The following ZNF74 variants were observed in gnomAD, a reference collection of about 807,000 sequenced individuals.
ZNF74 encodes zinc finger protein 520.
Under a neutral mutation model 17.7 loss-of-function variants are expected in ZNF74, and 12 were observed. The observed-to-expected ratio is 0.68, with a 90% CI of 0.43 to 1.10. The LOEUF is 1.10. Ranked by LOEUF, ZNF74 falls within the 50% of genes least tolerant of loss-of-function variation. The pLI, the probability that ZNF74 is intolerant of heterozygous loss-of-function variation, is 0.00. For synonymous variants in ZNF74, 358 were observed against 362.1 expected, an observed-to-expected ratio of 0.99 and a Z score of 0.13; for missense variants, 811 against 881.0, an observed-to-expected ratio of 0.92 and a Z score of 1.01.
intron 2 of ZNF74, chr22:20,399,544 T>C (rs1293499901): frequency 5.0e-6 from 2 of 397,338 alleles, no homozygotes; most frequent in African/African-American, 4.3e-5. Context: ...TTTAGTGTAA[T>C]TATTAATATG....
At position 20,406,458 on chromosome 22, in the gene ZNF74, C is replaced by G; in HGVS notation, c.1425C>G (p.Asn475Lys). The G allele has an allele frequency of 6.2e-7, 1 of 1,614,058 alleles. No individual in the cohort carries two copies. The highest frequency in any genetic ancestry group is 1.1e-5 in the South Asian group (1 of 91,076). The change falls in exon 5 of 5, where the codon AAC (asparagine) becomes AAG (lysine). Residue 475 changes from asparagine to lysine, a missense_variant. By Grantham distance (94) the Asn-to-Lys change is moderately conservative. Coordinates refer to ENST00000400451, the MANE Select transcript of ZNF74 (RefSeq NM_003426.4). ...GCGGCGAGAAGCCCTTCAAGTGCAA[C>G]GAGTGCGGCAAAGCCTTCAGCTCCC... ...IHSGEKPFKC[N>K]ECGKAFSSHA...
chr22:20,405,282 T>G, intron 4 of ZNF74, 95 bp from the exon 5 acceptor site: 3 of 1,373,210 alleles, frequency 2.2e-6, no homozygotes, highest in Non-Finnish European at 3.0e-6. Context: ...TCCTCTCTTT[T>G]CTGGGCTTAT....
intron 2 of ZNF74, among the ~76,000 whole-genome samples, chr22:20,396,162 G>GTT (rs776835133): frequency 2.1e-5 from 3 of 140,638 alleles, no homozygotes; most frequent in South Asian, 4.5e-4. Context: ...GGGTCTTTGG[G>GTT]TTTTTGTTTT....
Position 20,406,538 on chromosome 22 carries a change from G to A in ZNF74, c.1505G>A (p.Cys502Tyr). The A allele has an allele frequency of 1.2e-6, 2 of 1,614,184 alleles. No individual in the cohort carries two copies. Among genetic ancestry groups the A allele is most frequent in the South Asian group, 1.1e-5 (1 of 91,090 alleles). ...RIHTGEKPFD[C>Y]SQCWKAFSCH... ...CACACAGGCGAGAAGCCCTTCGACT[G>A]CAGCCAGTGTTGGAAGGCCTTCAGC... is the stretch of plus-strand genomic sequence containing the variant. The change falls in exon 5 of 5, where the codon TGC (cysteine) becomes TAC (tyrosine). Residue 502 changes from cysteine (C) to tyrosine (Y), a missense_variant. Transcript: ENST00000400451.
intron 1 of ZNF74, 96 bp downstream of exon 1, chr22:20,394,758 C>T: frequency 8.4e-7 from 1 of 1,187,070 alleles, no homozygotes. Flanking sequence ...AAGCATCCAG[C>T]ATCTTTTTTT....
At position 20,401,035 on chromosome 22, in the gene ZNF74, AG is replaced by A; in HGVS notation, c.248-241del. The stretch of plus-strand genomic sequence containing the variant: ...AGAAGAAGGTGGGACCCTGGAGCCC[AG>A]CTGGCTCTGGAACAGTCCTCAAGCA... On this transcript the variant is annotated intron_variant, in intron 3 of 4. Transcript: ENST00000400451. The surrounding 1 kb of genome is among the most constrained non-coding windows in gnomAD (Gnocchi z 4.2). 1 of 594,034 alleles carries A rather than the reference AG, an allele frequency of 1.7e-6. No homozygotes were observed. The highest frequency in any genetic ancestry group is 3.0e-6 in the Non-Finnish European group (1 of 335,182). The allele number at this position is 594,034 out of a possible 1,614,324, so 36.8% of individuals were successfully genotyped here.
intron 2 of ZNF74, among the ~76,000 whole-genome samples, chr22:20,397,230 C>T (rs1224305009): frequency 6.6e-6 from 1 of 152,130 alleles, no homozygotes; most frequent in Admixed American, 6.6e-5. Context: ...TGTGTGCCCC[C>T]ACACCTGGCT....
At position 20,405,614 on chromosome 22, in the gene ZNF74, G is replaced by A; in HGVS notation, c.581G>A (p.Gly194Glu). Residue 194 changes from glycine to glutamate, a missense_variant, in exon 5 of 5, where the codon GGG becomes GAG. By Grantham distance (98) the Gly-to-Glu change is moderately conservative. Around this residue, in one of 3 missense-constraint regions of ZNF74, gnomAD observed 666 missense variants for 702.3 expected, o/e 0.95. Coordinates refer to ENST00000400451, the MANE Select transcript of ZNF74 (RefSeq NM_003426.4). ...PLFAQQRVPE[G>E]GPLLDTRKNV... ...TTCGCCCAGCAACGCGTTCCCGAGG[G>A]GGGACCCTTGCTGGACACACGCAAG... 1 of 1,613,272 alleles carries A rather than the reference G, an allele frequency of 6.2e-7. No homozygotes were observed.
In ZNF74 at chr22:20,394,385, G is replaced by C. The variant is rs143631381; in HGVS notation, c.-244G>C. Reference sequence around the variant, plus strand: ...GGGTGTGCCGGGGCGTGAGTGCGCCGAGCATGGGGCTGAGCCTGGTGTGGG... The same window carrying C: ...GGGTGTGCCGGGGCGTGAGTGCGCCCAGCATGGGGCTGAGCCTGGTGTGGG... On this transcript the variant is annotated 5_prime_UTR_variant, in exon 1 of 5. Coordinates refer to ENST00000400451, the MANE Select transcript of ZNF74 (RefSeq NM_003426.4). The C allele has an allele frequency of 1.5e-6, 1 of 672,688 alleles. No homozygotes were observed. 41.7% of individuals were successfully genotyped at this position (672,688 alleles called of 1,614,324 possible).
chr22:20,395,400 T>C lies in ZNF74; in HGVS notation c.102T>C (p.Leu34=). ...ENLEDISGWG[L]PEARSKESVS... ...TCGAGGATATATCGGGTTGGGGTCTTCCCGAAGCCAGGTCCAAGGTGAGTG... is the reference window on the plus strand; with the variant it reads ...TCGAGGATATATCGGGTTGGGGTCTCCCCGAAGCCAGGTCCAAGGTGAGTG... The change falls in exon 2 of 5, where the codon CTT becomes CTC. Residue 34 remains leucine, a synonymous_variant. Coordinates refer to ENST00000400451, the MANE Select transcript of ZNF74 (RefSeq NM_003426.4). 1 of 1,605,728 alleles carries C rather than the reference T, an allele frequency of 6.2e-7. No individual in the cohort carries two copies. The highest frequency in any genetic ancestry group is 8.5e-7 in the Non-Finnish European group (1 of 1,173,498).
chr22:20,394,704 A>G lies in ZNF74; in HGVS notation c.34+42A>G, dbSNP rs146304240. 2.9e-4 allele frequency: 470 copies of G among 1,602,994 alleles called. 5 individuals carry two copies. In the East Asian group the frequency reaches 9.0e-3, roughly 31 times the overall value. ...GTAGTCAGTATGTCTGTGGATTTGCACTTGAGGATATTGACACTCAGAGAG... is the reference window on the plus strand; with the variant it reads ...GTAGTCAGTATGTCTGTGGATTTGCGCTTGAGGATATTGACACTCAGAGAG... On this transcript the variant is annotated intron_variant, in intron 1 of 4. Coordinates refer to ENST00000400451, the MANE Select transcript of ZNF74 (RefSeq NM_003426.4).
chr22:20,394,171 T>A lies in ZNF74; in HGVS notation c.-458T>A. 1 of 628,948 alleles carries A rather than the reference T, an allele frequency of 1.6e-6. No homozygotes were observed. Among genetic ancestry groups the A allele is most frequent in the Non-Finnish European group, 2.9e-6 (1 of 345,826 alleles). 39.0% of individuals were successfully genotyped at this position (628,948 alleles called of 1,614,324 possible). A position where few individuals can be genotyped will look rare whatever the true frequency, so the allele number is the denominator to read the frequency against. On this transcript the variant is annotated 5_prime_UTR_variant, in exon 1 of 5. Coordinates refer to ENST00000400451, the MANE Select transcript of ZNF74 (RefSeq NM_003426.4). ...TTCCCGCAGCGGCCGCCTGCTGCTC[T>A]TTGTGGCAGTCGCAGTCCTTTTGTG... is the stretch of plus-strand genomic sequence containing the variant.
At chr22:20,403,483 C>T (rs1171125121) in intron 4 of ZNF74, among the ~76,000 whole-genome samples, 1 of 151,968 alleles carries the variant, frequency 6.6e-6, no homozygotes. Context: ...GCTTCCTGTT[C>T]ATTTTCACAG....
rs778741257 is a variant in ZNF74, at chr22:20,405,750, C to T, written c.717C>T (p.Arg239=). 1.9e-6 allele frequency: 3 copies of T among 1,604,880 alleles called. No homozygotes were observed. The highest frequency in any genetic ancestry group is 1.3e-5 in the African/African-American group (1 of 74,686). Residue 239 remains arginine (R), a synonymous_variant, in exon 5 of 5, where the codon CGC becomes CGT. Coordinates refer to ENST00000400451, the MANE Select transcript of ZNF74 (RefSeq NM_003426.4). ...AGTTCCCCCAGGTGCGCCGGCAGCG[C>T]GGGGCGGGCGCCGGGGAGGGCGAGT... ...PEKFPQVRRQ[R]GAGAGEGEFV...
intron 2 of ZNF74, 111 bp downstream of exon 2, chr22:20,395,529 C>A: frequency 2.6e-6 from 2 of 758,422 alleles, no homozygotes; most frequent in South Asian, 1.8e-5. Flanking sequence ...GCTGGCCAGT[C>A]CTCAGGAAGC....
Position 20,406,046 on chromosome 22 carries a change from A to C in ZNF74, c.1013A>C (p.Glu338Ala). 1.9e-6 allele frequency: 3 copies of C among 1,607,458 alleles called. No homozygotes were observed. The highest frequency in any genetic ancestry group is 2.2e-5 in the South Asian group (2 of 90,794). ...CGGCCCTACAAGTGCAGCGCCTGCG[A>C]GAAGGCCTTCAGCTGCAGCTCGCTG... ...GERPYKCSACEKAFSCSSLLS... is the reference protein window; with the variant it reads ...GERPYKCSACAKAFSCSSLLS... The change falls in exon 5 of 5, where the codon GAG (glutamate) becomes GCG (alanine). Residue 338 changes from glutamate to alanine, a missense_variant. Physicochemically the swap from Glu to Ala is moderately radical, Grantham distance 107. Coordinates refer to ENST00000400451, the MANE Select transcript of ZNF74 (RefSeq NM_003426.4).
rs1324125633 is a variant in ZNF74, at chr22:20,394,342, G to A, written c.-287G>A. 5 of 694,998 alleles carry A rather than the reference G, an allele frequency of 7.2e-6. No homozygotes were observed. In the East Asian group the frequency reaches 1.4e-4, roughly 19 times the overall value. 43.1% of individuals were successfully genotyped at this position (694,998 alleles called of 1,614,324 possible). A position where few individuals can be genotyped will look rare whatever the true frequency, so the allele number is the denominator to read the frequency against. ...CCTGGTCTCCGAGCGCGGGTTCGCCGGGAGGAGCGTGTGGCGGGGGTGTGC... is the reference window on the plus strand; with the variant it reads ...CCTGGTCTCCGAGCGCGGGTTCGCCAGGAGGAGCGTGTGGCGGGGGTGTGC... On this transcript the variant is annotated 5_prime_UTR_variant, in exon 1 of 5. Coordinates refer to ENST00000400451, the MANE Select transcript of ZNF74 (RefSeq NM_003426.4).
rs571694425 is a variant in ZNF74 at position 20,400,534 on chromosome 22, G to C, written c.121-98G>C. Reference sequence around the variant, plus strand: ...CTGGCATGGGAGAAGGTCACCTGAGGTTAACCCTTTACTTGTAGGGTCCTT... The same window carrying C: ...CTGGCATGGGAGAAGGTCACCTGAGCTTAACCCTTTACTTGTAGGGTCCTT... On this transcript the variant is annotated intron_variant, in intron 2 of 4. Transcript: ENST00000400451. 185 of 1,494,532 alleles carry C rather than the reference G, an allele frequency of 1.2e-4. 1 individual carries two copies. The East Asian group carries it at 4.2e-3, about 34-fold the overall frequency. 92.6% of individuals were successfully genotyped at this position (1,494,532 alleles called of 1,614,324 possible).
At chr22:20,399,167 A>G (rs560458351) in intron 2 of ZNF74, among the ~76,000 whole-genome samples, 74 of 152,312 alleles carry the variant, frequency 4.9e-4, no homozygotes, top group Non-Finnish European at 8.4e-4. Flanking sequence ...GTGTTATGTA[A>G]ATATCAGTTA....
Sources: gnomAD v4.1 joint callset for allele counts (sites outside exome capture counted in the v4.1 genomes callset) on GRCh38, gnomAD v4.1.1 for gene constraint, gnomAD v4.1.1 regional missense constraint, Gnocchi (gnomAD v3.1) non-coding constraint, MANE v1.5 for transcripts, NCBI Gene and HGNC (gene_info 2026-07-23, HGNC 2026-07-21) for gene names.